Variants in LRIF1 observed in about 807,000 individuals in gnomAD.
LRIF1 encodes the protein ligand dependent nuclear receptor interacting factor 1, also known as ligand-dependent nuclear receptor-interacting factor 1.
In LRIF1, 32 loss-of-function variants were observed where a neutral mutation model predicts 52.7. That is an observed-to-expected ratio of 0.61 (90% CI 0.46 to 0.82). LRIF1 has a LOEUF of 0.82. LRIF1 is among the 40% of genes least tolerant of loss of function. The pLI is 0.00. For synonymous variants in LRIF1, 323 were observed against 317.4 expected (o/e 1.02, Z -0.19); for missense variants, 887 against 892.0 (o/e 0.99, Z 0.07).
the LRIF1 span, among the ~76,000 whole-genome samples, chr1:110,928,546 A>T: frequency 3.3e-5 from 5 of 152,192 alleles, no homozygotes; most frequent in Non-Finnish European, 7.3e-5. Context: ...GTGTATCAAC[A>T]AACAATAATA....
In LRIF1 at chr1:110,949,897, G is replaced by A; in HGVS notation, c.1823C>T (p.Thr608Ile). The change falls in exon 3 of 4, where the codon ACT becomes ATT. Residue 608 changes from threonine to isoleucine, a missense_variant. Physicochemically the swap from Thr to Ile is moderately conservative, Grantham distance 89. Coordinates refer to ENST00000369763, the MANE Select transcript of LRIF1 (RefSeq NM_018372.4). ...DSFSSLVKSG[T>I]YKETEFMVKE... is the part of the protein sequence containing the mutation. The stretch of plus-strand genomic sequence containing the variant: ...CACCATAAACTCTGTCTCTTTGTAA[G>A]TACCACTCTTTACCAAACTGCTAAA... The A allele has an allele frequency of 1.9e-6, 3 of 1,614,014 alleles. No homozygotes were observed. Among genetic ancestry groups the A allele is most frequent in the Non-Finnish European group, 2.5e-6 (3 of 1,179,986 alleles).
chr1:110,914,026 C>A, the LRIF1 span, among the ~76,000 whole-genome samples: 1 of 152,140 alleles, frequency 6.6e-6, no homozygotes, highest in Non-Finnish European at 1.5e-5. Flanking sequence ...TTATCCTAAG[C>A]AGACTTGCTT....
chr1:110,894,938 C>T, the LRIF1 span: 1 of 1,592,588 alleles, frequency 6.3e-7, no homozygotes, highest in Non-Finnish European at 8.6e-7. Flanking sequence ...CATGTCTCCT[C>T]TGCTGGAATG....
chr1:110,951,016 T>A (rs993352454), intron 2 of LRIF1, among the ~76,000 whole-genome samples: 1 of 152,142 alleles, frequency 6.6e-6, no homozygotes. Flanking sequence ...CTTCTAAACC[T>A]TTTTGCTCTG....
chr1:110,937,784 T>C, the LRIF1 span: 2 of 151,944 alleles, frequency 1.3e-5, no homozygotes, highest in Admixed American at 1.3e-4. Flanking sequence ...AACAAAATGG[T>C]TTTTTGAAAA....
chr1:110,921,645 A>T, the LRIF1 span, among the ~76,000 whole-genome samples: 1 of 152,196 alleles, frequency 6.6e-6, no homozygotes, highest in Non-Finnish European at 1.5e-5. Context: ...TAGTCTCAAA[A>T]TTTATAAAGG....
At chr1:110,963,579 A>C in intron 1 of LRIF1, 42 bp downstream of exon 1, 1 of 1,558,262 alleles carries the variant, frequency 6.4e-7, no homozygotes, top group Non-Finnish European at 8.8e-7. Flanking sequence ...CCTAAGACGG[A>C]CAGAGGGGCA....
At chr1:110,922,863 G>A in the LRIF1 span, among the ~76,000 whole-genome samples, 2 of 152,172 alleles carry the variant, frequency 1.3e-5, no homozygotes, top group Admixed American at 1.3e-4. Context: ...AGAGGCTATG[G>A]CATTCCTTGG....
At chr1:110,898,196 TGAAACCCCGTCTCTACTAAA>T in the LRIF1 span, among the ~76,000 whole-genome samples, 1 of 151,840 alleles carries the variant, frequency 6.6e-6, no homozygotes, top group Non-Finnish European at 1.5e-5. Flanking sequence ...GCTAACATGG[TGAAACCCCGTCTCTACTAAA>T]AATACAAAAA....
the LRIF1 span, chr1:110,942,099 G>C: frequency 1.5e-4 from 23 of 152,158 alleles, no homozygotes; most frequent in African/African-American, 5.5e-4. Flanking sequence ...TGCATGACAT[G>C]CTATAGTTTA....
Position 110,947,362 on chromosome 1 carries a change from T to C in LRIF1, c.*597A>G, listed in dbSNP as rs1658242482. On this transcript the variant is annotated 3_prime_UTR_variant, in exon 4 of 4. Coordinates refer to ENST00000369763, the MANE Select transcript of LRIF1 (RefSeq NM_018372.4). Reference sequence around the variant, plus strand: ...AAATGGCCTGAATTCTAAAATACCTTTGGATTATATAAAATTACATTGTAA... The same window carrying C: ...AAATGGCCTGAATTCTAAAATACCTCTGGATTATATAAAATTACATTGTAA... 1 of 152,162 alleles carries C rather than the reference T, an allele frequency of 6.6e-6. No individual in the cohort carries two copies. Among genetic ancestry groups the C allele is most frequent in the Non-Finnish European group, 1.5e-5 (1 of 68,032 alleles). The allele number at this position is 152,162 out of a possible 1,614,324, so 9.4% of individuals were successfully genotyped here.
chr1:110,958,823 A>G (rs1386059472), intron 1 of LRIF1, among the ~76,000 whole-genome samples: 1 of 152,216 alleles, frequency 6.6e-6, no homozygotes, highest in East Asian at 1.9e-4. Context: ...TGCACACAAT[A>G]ATGTTAGCTG....
chr1:110,888,662 G>T, the LRIF1 span, among the ~76,000 whole-genome samples: 1 of 152,150 alleles, frequency 6.6e-6, no homozygotes, highest in East Asian at 1.9e-4. Context: ...AAGGTGAAAT[G>T]AATTTTAATA....
chr1:110,886,028 A>G, the LRIF1 span, among the ~76,000 whole-genome samples: 1 of 152,044 alleles, frequency 6.6e-6, no homozygotes, highest in South Asian at 2.1e-4. Context: ...TGCTTTTAAC[A>G]TTTCTTGTAG....
At chr1:110,957,470 C>CAAAAAAA (rs34396800) in intron 1 of LRIF1, among the ~76,000 whole-genome samples, 657 of 42,778 alleles carry the variant, frequency 0.015, 102 homozygotes, top group African/African-American at 0.018. Flanking sequence ...GACTCAGTCT[C>CAAAAAAA]AAAAAAAAAA....
At chr1:110,960,744 G>C in intron 1 of LRIF1, among the ~76,000 whole-genome samples, 1 of 151,986 alleles carries the variant, frequency 6.6e-6, no homozygotes, top group East Asian at 1.9e-4. Flanking sequence ...ATTCATTAAC[G>C]AAGTCGGTCT....
the LRIF1 span, among the ~76,000 whole-genome samples, chr1:110,908,063 G>T: frequency 6.6e-6 from 1 of 151,896 alleles, no homozygotes; most frequent in Non-Finnish European, 1.5e-5. Flanking sequence ...ATAAAAGAAG[G>T]GTCTTTTCAA....
Position 110,951,490 on chromosome 1 carries a change from T to C in LRIF1, c.1394A>G (p.Tyr465Cys), listed in dbSNP as rs1658473270. The C allele has an allele frequency of 1.2e-6, 2 of 1,614,046 alleles. No homozygotes were observed. Among genetic ancestry groups the C allele is most frequent in the Admixed American group, 1.7e-5 (1 of 60,006 alleles). The change falls in exon 2 of 4, where the codon TAC (tyrosine) becomes TGC (cysteine). Residue 465 changes from tyrosine (Y) to cysteine (C), a missense_variant. Coordinates refer to ENST00000369763, the MANE Select transcript of LRIF1 (RefSeq NM_018372.4). ...GAATAAAGTCTTACTCTGTTTTAAG[T>C]AGTTACTGGATTGGTTCATATGTGG... Reference protein sequence around the residue: ...TNPHMNQSSNYLKQSKTLFTN... With the variant: ...TNPHMNQSSNCLKQSKTLFTN...
chr1:110,906,078 CTTCACTAA>C, the LRIF1 span, among the ~76,000 whole-genome samples: 1 of 151,758 alleles, frequency 6.6e-6, no homozygotes, highest in Non-Finnish European at 1.5e-5. Context: ...AGAGAAAAAT[CTTCACTAA>C]AGGAAGACAA....
Sources: allele counts gnomAD v4.1 joint callset (sites outside exome capture counted in the v4.1 genomes callset), GRCh38; gene constraint gnomAD v4.1.1; transcripts MANE v1.5; gene names NCBI Gene and HGNC (gene_info 2026-07-23, HGNC 2026-07-21).